The following IP6K1 variants were observed in gnomAD, a reference collection of about 807,000 sequenced individuals.
IP6K1 encodes the protein ATP:1D-myo-inositol-hexakisphosphate phosphotransferase.
Under a neutral mutation model 38.3 loss-of-function variants are expected in IP6K1, and 13 were observed. That is an observed-to-expected ratio of 0.34 (90% CI 0.22 to 0.54). The LOEUF is 0.54. Among genes scored for constraint, IP6K1 ranks in the 20% least tolerant of loss-of-function variants. IP6K1 has a pLI of 0.92. For missense variants in IP6K1, 397 were observed against 599.8 expected, an observed-to-expected ratio of 0.66 and a Z score of 3.53; for synonymous variants, 212 against 229.9, an observed-to-expected ratio of 0.92 and a Z score of 0.70.
intron 3 of IP6K1, among the ~76,000 whole-genome samples, chr3:49,733,758 G>C (rs2080583019): frequency 6.6e-6 from 1 of 152,164 alleles, no homozygotes; most frequent in Admixed American, 6.5e-5. Context: ...AGGAGGAATG[G>C]GGAGTCAGTT....
chr3:49,734,791 C>T (rs1182437400), intron 3 of IP6K1, among the ~76,000 whole-genome samples: 1 of 152,200 alleles, frequency 6.6e-6, no homozygotes, highest in South Asian at 2.1e-4. Context: ...TTCTCTGCGT[C>T]TGGATGAAGC....
At chr3:49,771,208 A>C (rs934385412) in intron 1 of IP6K1, among the ~76,000 whole-genome samples, 1 of 149,168 alleles carries the variant, frequency 6.7e-6, no homozygotes, top group Non-Finnish European at 1.5e-5. Context: ...AAAAAAAAAA[A>C]AAAACCCTGC....
At chr3:49,737,843 G>T (rs1011156967) in intron 3 of IP6K1, among the ~76,000 whole-genome samples, 5 of 152,184 alleles carry the variant, frequency 3.3e-5, no homozygotes, top group African/African-American at 1.2e-4. Flanking sequence ...TAGCCCTTGG[G>T]CTTGGACATC....
Position 49,726,439 on chromosome 3 carries a change from G to GTTCCC in IP6K1, c.*682_*683insGGGAA, listed in dbSNP as rs1270019911. Reference sequence around the variant, plus strand: ...CTTCTTAGGCAAGGGAACTTGGTGAGAGAGGCTGTTTCAGGAATAGGACAG... The same window carrying GTTCCC: ...CTTCTTAGGCAAGGGAACTTGGTGAGTTCCCAGAGGCTGTTTCAGGAATAGGACAG... On this transcript the variant is annotated 3_prime_UTR_variant, in exon 6 of 6. Coordinates refer to ENST00000321599, the MANE Select transcript of IP6K1 (RefSeq NM_153273.4). 1 of 152,538 alleles carries GTTCCC rather than the reference G, an allele frequency of 6.6e-6. No homozygotes were observed. The highest frequency in any genetic ancestry group is 1.5e-5 in the Non-Finnish European group (1 of 68,074). The allele number at this position is 152,538 out of a possible 1,614,324, so 9.4% of individuals were successfully genotyped here. A position where few individuals can be genotyped will look rare whatever the true frequency, so the allele number is the denominator to read the frequency against.
At chr3:49,765,595 A>C (rs2080904163) in intron 1 of IP6K1, among the ~76,000 whole-genome samples, 1 of 143,684 alleles carries the variant, frequency 7.0e-6, no homozygotes, top group Admixed American at 7.1e-5. Context: ...GGTTGCAGGG[A>C]GCTGAGATCG....
chr3:49,775,579 A>G, intron 1 of IP6K1: 1 of 1,035,016 alleles, frequency 9.7e-7, no homozygotes, highest in Non-Finnish European at 1.4e-6. Context: ...GACCTCTTCT[A>G]CGAACACAAA....
chr3:49,783,891 G>T (rs2081089373), intron 1 of IP6K1, among the ~76,000 whole-genome samples: 1 of 152,122 alleles, frequency 6.6e-6, no homozygotes, highest in South Asian at 2.1e-4. Flanking sequence ...CCTCACAAGT[G>T]CAGTATAAAC....
At chr3:49,744,664 C>T (rs1226014666) in intron 2 of IP6K1, among the ~76,000 whole-genome samples, 1 of 152,052 alleles carries the variant, frequency 6.6e-6, no homozygotes, top group African/African-American at 2.4e-5. Context: ...ACCATTTCAC[C>T]AAGGAGCTCT....
chr3:49,744,806 T>C (rs1411463166), intron 2 of IP6K1, among the ~76,000 whole-genome samples: 1 of 152,344 alleles, frequency 6.6e-6, no homozygotes, highest in African/African-American at 2.4e-5. Context: ...GTATGATTAC[T>C]AGCCCACACA....
At chr3:49,757,920 A>G (rs1449416341) in intron 1 of IP6K1, among the ~76,000 whole-genome samples, 2 of 152,124 alleles carry the variant, frequency 1.3e-5, no homozygotes, top group African/African-American at 4.8e-5. Context: ...TGGCAATAAA[A>G]TTTCATACAT....
rs1384052023 is a variant in IP6K1 at position 49,777,757 on chromosome 3, A to G, written c.-129+8597T>C. 3.4e-5 allele frequency among the ~76,000 whole-genome samples: 5 copies of G among 146,150 alleles called. No individual in the cohort carries two copies. The Admixed American group carries it at 3.4e-4, about 10-fold the overall frequency. Reference sequence around the variant, plus strand: ...GTGAAACCTTGTCTCTACTAAAAATACAAAAAAATTAGCCGGGCGTGGTGG... The same window carrying G: ...GTGAAACCTTGTCTCTACTAAAAATGCAAAAAAATTAGCCGGGCGTGGTGG... On this transcript the variant is annotated intron_variant, in intron 1 of 5. Transcript: ENST00000321599.
chr3:49,774,493 T>C (rs1055504327), intron 1 of IP6K1, among the ~76,000 whole-genome samples: 1 of 150,552 alleles, frequency 6.6e-6, no homozygotes, highest in African/African-American at 2.4e-5. Flanking sequence ...AGTAAGACCA[T>C]GTAGTATATT....
At chr3:49,740,863 T>TC (rs2080661534) in intron 2 of IP6K1, among the ~76,000 whole-genome samples, 1 of 151,604 alleles carries the variant, frequency 6.6e-6, no homozygotes, top group African/African-American at 2.4e-5. Context: ...TTTCTTTTTT[T>TC]TTTTTTTTGA....
intron 1 of IP6K1, among the ~76,000 whole-genome samples, chr3:49,777,328 G>A (rs2081025172): frequency 6.6e-6 from 1 of 151,990 alleles, no homozygotes; most frequent in Admixed American, 6.6e-5. Context: ...TTGGGAGGCC[G>A]AGGTGGATGG....
intron 4 of IP6K1, among the ~76,000 whole-genome samples, chr3:49,731,206 T>C (rs2080559022): frequency 6.6e-6 from 1 of 152,144 alleles, no homozygotes; most frequent in Admixed American, 6.6e-5. Context: ...CATTCCAATA[T>C]ATCCTATTTG....
chr3:49,740,751 T>C (rs944719913), intron 2 of IP6K1, among the ~76,000 whole-genome samples: 18 of 152,210 alleles, frequency 1.2e-4, no homozygotes, highest in African/African-American at 4.3e-4. Flanking sequence ...GTATTATCTA[T>C]ATTGATGGAC....
intron 3 of IP6K1, among the ~76,000 whole-genome samples, chr3:49,736,162 C>T (rs772297344): frequency 3.3e-5 from 5 of 152,148 alleles, no homozygotes; most frequent in East Asian, 1.9e-4. Flanking sequence ...GTGATCCACC[C>T]GCCTCGGCCT....
chr3:49,743,209 G>C, intron 2 of IP6K1, among the ~76,000 whole-genome samples: 1 of 149,022 alleles, frequency 6.7e-6, no homozygotes, highest in African/African-American at 2.5e-5. Context: ...AATGAAGCAA[G>C]ACCCTATCTC....
chr3:49,777,051 A>G (rs1435986921), intron 1 of IP6K1, among the ~76,000 whole-genome samples: 5 of 152,068 alleles, frequency 3.3e-5, no homozygotes, highest in Non-Finnish European at 7.4e-5. Context: ...CCTGGTCAAC[A>G]TGGCAAAACC....
Sources: gnomAD v4.1 joint callset for allele counts (sites outside exome capture counted in the v4.1 genomes callset) on GRCh38, gnomAD v4.1.1 for gene constraint, MANE v1.5 for transcripts, NCBI Gene and HGNC (gene_info 2026-07-23, HGNC 2026-07-21) for gene names.